SGO1: variants seen among roughly 807,000 people sequenced by gnomAD.
The protein encoded by SGO1 is serologically defined breast cancer antigen NY-BR-85.
SGO1 carries 39 observed loss-of-function variants against 50.5 expected under a neutral mutation model. The observed-to-expected ratio is 0.77, with a 90% CI of 0.60 to 1.01. The LOEUF (loss-of-function observed/expected upper bound fraction) is 1.01, where lower values mean the gene tolerates loss of function less well. Among genes scored for constraint, SGO1 ranks in the 50% least tolerant of loss-of-function variants. The pLI, the probability that SGO1 is intolerant of heterozygous loss-of-function variation, is 0.00. For synonymous variants in SGO1, 191 were observed against 205.1 expected, an observed-to-expected ratio of 0.93 and a Z score of 0.59; for missense variants, 638 against 606.0, an observed-to-expected ratio of 1.05 and a Z score of -0.55.
chr3:20,169,254 C>T, downstream of SGO1: 1 of 985,134 alleles, frequency 1.0e-6, no homozygotes, highest in Non-Finnish European at 1.2e-6. Context: ...TGGGAGATTA[C>T]ACAGAGATAA....
At chr3:20,183,579 AAG>A in intron 3 of SGO1, 27 bp downstream of exon 3, 1 of 1,526,612 alleles carries the variant, frequency 6.6e-7, no homozygotes, top group Non-Finnish European at 8.8e-7. Flanking sequence ...TAACTAAACT[AAG>A]AAATTCGGCC....
chr3:20,167,097 C>G (rs1011360245), downstream of SGO1, among the ~76,000 whole-genome samples: 2 of 152,048 alleles, frequency 1.3e-5, no homozygotes, highest in Admixed American at 6.6e-5. Flanking sequence ...ATACAATATA[C>G]CCAGCATAAA....
At chr3:20,163,374 C>G (rs984824704) in intron 8 of SGO1, among the ~76,000 whole-genome samples, 2 of 152,092 alleles carry the variant, frequency 1.3e-5, no homozygotes, top group Non-Finnish European at 2.9e-5. Flanking sequence ...GGAGTTAGTT[C>G]TAACAGAACT....
intron 6 of SGO1, among the ~76,000 whole-genome samples, chr3:20,173,741 A>G (rs1701041148): frequency 6.6e-6 from 1 of 152,240 alleles, no homozygotes; most frequent in African/African-American, 2.4e-5. Flanking sequence ...TTGATCTAAT[A>G]AAATATTTTC....
intron 5 of SGO1, among the ~76,000 whole-genome samples, chr3:20,175,894 C>T (rs1701336245): frequency 6.6e-6 from 1 of 151,886 alleles, no homozygotes; most frequent in African/African-American, 2.4e-5. Flanking sequence ...AGAAGTAGAA[C>T]CGCATATTCC....
In SGO1 at chr3:20,177,426, G is replaced by A. The variant is rs568169309; in HGVS notation, c.417-767C>T. ...CTTAGTGGTTACTTCTGTGGAGAAG[G>A]GGATGGACTTGATAGGCATACGAAA... On this transcript the variant is annotated intron_variant, in intron 4 of 7. Transcript: ENST00000412997. Among the ~76,000 whole-genome samples the A allele has an allele frequency of 2.8e-4, 43 of 152,282 alleles. No homozygotes were observed. The South Asian group carries it at 8.3e-3, about 29-fold the overall frequency.
chr3:20,168,558 A>G (rs940437457), downstream of SGO1, among the ~76,000 whole-genome samples: 7 of 151,896 alleles, frequency 4.6e-5, no homozygotes, highest in Non-Finnish European at 1.0e-4. Context: ...GAAATGTTCA[A>G]TATTTCCTCA....
chr3:20,160,864 C>A (rs1700003419), exon 9 of SGO1: 2 of 326,434 alleles, frequency 6.1e-6, no homozygotes, highest in African/African-American at 2.2e-5. Context: ...CCAAGTGACA[C>A]AACCAAAAGG....
At chr3:20,184,106 C>A in intron 1 of SGO1, 72 bp from the exon 2 acceptor site, 1 of 1,216,064 alleles carries the variant, frequency 8.2e-7, no homozygotes, top group South Asian at 1.6e-5. Flanking sequence ...ATAGGCTGTT[C>A]ATAAAGAATG....
chr3:20,180,049 C>A (rs1380287868), intron 3 of SGO1, among the ~76,000 whole-genome samples: 1 of 152,110 alleles, frequency 6.6e-6, no homozygotes, highest in Non-Finnish European at 1.5e-5. Flanking sequence ...GTAATCCTAG[C>A]ATTTAGGGAG....
intron 8 of SGO1, among the ~76,000 whole-genome samples, chr3:20,164,107 A>G (rs548634738): frequency 6.6e-6 from 1 of 152,210 alleles, no homozygotes; most frequent in Non-Finnish European, 1.5e-5. Flanking sequence ...TCTGATAACC[A>G]AAGCTAGAAA....
In SGO1 at chr3:20,170,811, G is replaced by A; in HGVS notation, c.1477C>T (p.Leu493=). 6.3e-7 allele frequency: 1 copy of A among 1,589,950 alleles called. No homozygotes were observed. Among genetic ancestry groups the A allele is most frequent in the Non-Finnish European group, 8.5e-7 (1 of 1,174,110 alleles). Residue 493 remains leucine, a synonymous_variant, in exon 8 of 8, where the codon CTG becomes TTG. Transcript: ENST00000412997. ...TCTGTAAAAGGGTCCCCTCTTCTCA[G>A]TTTCCTGTAAGAGTAAAAAGAGATC... The part of the protein sequence containing the change: ...NYKEPTLASK[L]RRGDPFTDLC...
At chr3:20,169,353 C>T, downstream of SGO1, 1 of 983,930 alleles carries the variant, frequency 1.0e-6, no homozygotes, top group Non-Finnish European at 1.2e-6. Context: ...AGGATTAACT[C>T]ACCTAGAACA....
intron 6 of SGO1, among the ~76,000 whole-genome samples, chr3:20,173,191 G>C (rs1323600817): frequency 6.6e-6 from 1 of 151,714 alleles, no homozygotes; most frequent in African/African-American, 2.4e-5. Context: ...GAGCGCAATG[G>C]CATGGTCTCG....
intron 7 of SGO1, 23 bp downstream of exon 7, chr3:20,171,020 G>GT (rs776999021): frequency 1.3e-6 from 2 of 1,554,778 alleles, no homozygotes; most frequent in African/African-American, 2.8e-5. Context: ...TTAAAAATAA[G>GT]TTCCCACAAA....
chr3:20,169,171 A>G, downstream of SGO1: 1 of 985,438 alleles, frequency 1.0e-6, no homozygotes, highest in African/African-American at 1.7e-5. Context: ...ATAGGGAGAT[A>G]ACAGCCAAGA....
At position 20,174,765 on chromosome 3, in the gene SGO1, ATAAGT is replaced by A. The variant is rs1559360417; in HGVS notation, c.761_765del (p.Asn254IlefsTer12). The A allele has an allele frequency of 6.2e-7, 1 of 1,614,004 alleles. No homozygotes were observed. Among genetic ancestry groups the A allele is most frequent in the South Asian group, 1.1e-5 (1 of 91,068 alleles). Reference sequence around the variant, plus strand: ...GTTCCTGGCTGAATCAGCTTTGGTGATAAGTTAACTTGGTCCTTGCTCCATTGACA... The same window carrying A: ...GTTCCTGGCTGAATCAGCTTTGGTGATAACTTGGTCCTTGCTCCATTGACA... On this transcript the variant is annotated frameshift_variant, in exon 6 of 8. Coordinates refer to ENST00000412997, the MANE Select transcript of SGO1 (RefSeq NM_001199251.3). LOFTEE classifies it high-confidence loss of function.
At position 20,169,929 on chromosome 3, in the gene SGO1, T is replaced by C; in HGVS notation, c.*775A>G. The stretch of plus-strand genomic sequence containing the variant: ...TATTTTACTCGAATACTACACAGAG[T>C]TTCAAAAGATCCACAATAATTTATT... On this transcript the variant is annotated 3_prime_UTR_variant, in exon 8 of 8. Transcript: ENST00000412997. The C allele has an allele frequency of 1.0e-6, 1 of 983,606 alleles. No individual in the cohort carries two copies. The highest frequency in any genetic ancestry group is 1.7e-5 in the African/African-American group (1 of 57,304). 60.9% of individuals were successfully genotyped at this position (983,606 alleles called of 1,614,324 possible).
At chr3:20,163,371 GTT>G (rs1421903761) in intron 8 of SGO1, among the ~76,000 whole-genome samples, 1 of 152,090 alleles carries the variant, frequency 6.6e-6, no homozygotes. Context: ...CTTGGAGTTA[GTT>G]CTAACAGAAC....
Sources: allele counts gnomAD v4.1 joint callset (sites outside exome capture counted in the v4.1 genomes callset), GRCh38; gene constraint gnomAD v4.1.1; transcripts MANE v1.5; gene names NCBI Gene and HGNC (gene_info 2026-07-23, HGNC 2026-07-21).